Variants in MTFR1 observed in about 807,000 individuals in gnomAD.
MTFR1 encodes the protein mitochondrial fission regulator 1.
A neutral mutation model predicts 38.8 loss-of-function variants in MTFR1; 28 were observed. The observed-to-expected ratio is 0.72, with a 90% CI of 0.53 to 0.99. MTFR1 has a LOEUF of 0.99. MTFR1 is among the 50% of genes least tolerant of loss of function. MTFR1 has a pLI of 0.00. For synonymous variants in MTFR1, 145 were observed against 137.0 expected (o/e 1.06, Z -0.41); for missense variants, 358 against 395.5 (o/e 0.91, Z 0.81).
chr8:65,657,803 A>G (rs1217927370), intron 1 of MTFR1, among the ~76,000 whole-genome samples: 2 of 152,162 alleles, frequency 1.3e-5, no homozygotes, highest in East Asian at 3.9e-4. Flanking sequence ...TTAACACATA[A>G]TAATTGTACA....
At chr8:65,708,345 T>A (rs1805847969) in intron 7 of MTFR1, 1 of 373,758 alleles carries the variant, frequency 2.7e-6, no homozygotes. Context: ...TGCAGGGTTA[T>A]ATTTTTATTT....
chr8:65,715,463 C>T (rs188672669), downstream of MTFR1, among the ~76,000 whole-genome samples: 87 of 151,578 alleles, frequency 5.7e-4, no homozygotes, highest in Non-Finnish European at 7.2e-4. Context: ...TTGCAACCTC[C>T]GCCACCTGGG....
At chr8:65,701,981 CAT>C (rs1476958089) in intron 4 of MTFR1, among the ~76,000 whole-genome samples, 8 of 152,178 alleles carry the variant, frequency 5.3e-5, no homozygotes, top group Admixed American at 3.9e-4. Flanking sequence ...AACTGATAAA[CAT>C]ATGTTATTAA....
At chr8:65,752,086 T>C (rs1807996439) in intron 3 of MTFR1, among the ~76,000 whole-genome samples, 1 of 152,234 alleles carries the variant, frequency 6.6e-6, no homozygotes. Context: ...TTTCTACTAC[T>C]TGATTTGTCA....
intron 1 of MTFR1, among the ~76,000 whole-genome samples, chr8:65,655,295 G>T (rs996927353): frequency 2.6e-5 from 4 of 152,152 alleles, no homozygotes; most frequent in African/African-American, 9.7e-5. Flanking sequence ...TATCTAAATT[G>T]CATTAGCTTG....
intron 3 of MTFR1, among the ~76,000 whole-genome samples, chr8:65,766,642 T>G (rs1443407411): frequency 1.3e-5 from 2 of 152,212 alleles, no homozygotes; most frequent in East Asian, 3.9e-4. Flanking sequence ...TGCATCACCC[T>G]CTCTCTATTT....
intron 1 of MTFR1, among the ~76,000 whole-genome samples, chr8:65,661,980 CAAA>C (rs1439505630): frequency 6.7e-6 from 1 of 150,034 alleles, no homozygotes; most frequent in African/African-American, 2.4e-5. Flanking sequence ...AACAAACAAA[CAAA>C]AAGAGCAAAA....
chr8:65,666,658 T>G (rs1804390038), intron 1 of MTFR1, among the ~76,000 whole-genome samples: 2 of 152,216 alleles, frequency 1.3e-5, no homozygotes, highest in Admixed American at 1.3e-4. Context: ...ATTGAGACTT[T>G]ATATGTAATG....
chr8:65,708,827 C>T, intron 7 of MTFR1, 149 bp from the exon 8 acceptor site: 3 of 686,832 alleles, frequency 4.4e-6, no homozygotes, highest in Admixed American at 2.7e-5. Context: ...AACAACCCAT[C>T]AATTTGTAAA....
chr8:65,727,273 A>C (rs1806650030), intron 3 of MTFR1: 1 of 1,613,512 alleles, frequency 6.2e-7, no homozygotes, highest in East Asian at 2.2e-5. Flanking sequence ...GCTCAGCAAG[A>C]TATCCCAAGG....
chr8:65,723,967 C>T (rs2129065341), intron 3 of MTFR1, among the ~76,000 whole-genome samples: 1 of 152,268 alleles, frequency 6.6e-6, no homozygotes, highest in East Asian at 1.9e-4. Flanking sequence ...CCACACACGA[C>T]AAGGATAAAG....
intron 3 of MTFR1, among the ~76,000 whole-genome samples, chr8:65,770,702 ATT>A (rs1809041719): frequency 1.3e-5 from 2 of 152,202 alleles, no homozygotes; most frequent in African/African-American, 2.4e-5. Flanking sequence ...TGATGACTCC[ATT>A]TGCATACATT....
chr8:65,644,180 C>T (rs1808886529), upstream of MTFR1, among the ~76,000 whole-genome samples: 1 of 152,152 alleles, frequency 6.6e-6, no homozygotes, highest in African/African-American at 2.4e-5. Context: ...TTAGAAAGCA[C>T]GTGCCCCAAA....
downstream of MTFR1, among the ~76,000 whole-genome samples, chr8:65,715,436 A>G (rs1402570841): frequency 2.0e-5 from 3 of 149,480 alleles, no homozygotes; most frequent in Non-Finnish European, 4.4e-5. Flanking sequence ...GGAGTGCAGT[A>G]GCACAATCTC....
chr8:65,766,266 A>C (rs1422471533), intron 3 of MTFR1, among the ~76,000 whole-genome samples: 1 of 152,226 alleles, frequency 6.6e-6, no homozygotes, highest in African/African-American at 2.4e-5. Flanking sequence ...TTTGACAAAA[A>C]AATCAATATG....
At chr8:65,758,085 A>G (rs965247788) in intron 3 of MTFR1, among the ~76,000 whole-genome samples, 3 of 152,166 alleles carry the variant, frequency 2.0e-5, no homozygotes, top group African/African-American at 7.2e-5. Flanking sequence ...GCTAGTCCAG[A>G]TTGCTGGTTG....
At chr8:65,658,335 A>G (rs1053324390) in intron 1 of MTFR1, among the ~76,000 whole-genome samples, 3 of 152,222 alleles carry the variant, frequency 2.0e-5, no homozygotes, top group African/African-American at 4.8e-5. Context: ...TCAAAAACAG[A>G]TATTACATTA....
intron 1 of MTFR1, among the ~76,000 whole-genome samples, chr8:65,652,431 C>T (rs1809148787): frequency 6.6e-6 from 1 of 151,808 alleles, no homozygotes; most frequent in Non-Finnish European, 1.5e-5. Context: ...GGTGGGTCTC[C>T]CTATGTTATC....
rs752000369 is a variant in MTFR1 at position 65,693,619 on chromosome 8, A to G, written c.166-25A>G. On this transcript the variant is annotated intron_variant, in intron 3 of 7. Coordinates refer to ENST00000262146, the MANE Select transcript of MTFR1 (RefSeq NM_014637.4). ...CATTTTGGTGCCATCTTTGGTGAAG[A>G]ACTTTCCCTATTTATAACTTACAGA... 8.1e-6 allele frequency: 13 copies of G among 1,597,684 alleles called. No individual in the cohort carries two copies. The South Asian group carries it at 1.3e-4, about 16-fold the overall frequency.
Sources: allele counts gnomAD v4.1 joint callset (sites outside exome capture counted in the v4.1 genomes callset), GRCh38; gene constraint gnomAD v4.1.1; transcripts MANE v1.5; gene names NCBI Gene and HGNC (gene_info 2026-07-23, HGNC 2026-07-21).